Variants in SORCS2 observed in about 807,000 individuals in gnomAD.
The protein encoded by SORCS2 is sortilin related VPS10 domain containing receptor 2.
In SORCS2, 100 loss-of-function variants were observed where a neutral mutation model predicts 141.6. The ratio of observed to expected loss-of-function variants is 0.71; its 90% confidence interval spans 0.60 to 0.83. The LOEUF (loss-of-function observed/expected upper bound fraction) is 0.83. SORCS2 is among the 40% of genes least tolerant of loss of function. The pLI is 0.00. For synonymous variants in SORCS2, 789 were observed against 676.9 expected (o/e 1.17, Z -2.57); for missense variants, 1,646 against 1,560.2 (o/e 1.05, Z -0.93).
At position 7,727,002 on chromosome 4, in the gene SORCS2, C is replaced by T. The variant is rs143163100; in HGVS notation, c.2869+99C>T. On this transcript the variant is annotated intron_variant, in intron 21 of 26. Coordinates refer to ENST00000507866, the MANE Select transcript of SORCS2 (RefSeq NM_020777.3). ...TCGCGTAAGCCATGGATGTCCTGGT[C>T]ACCCTGAGTGGCCCTGGGGTGGGGA... 5.7e-4 allele frequency: 805 copies of T among 1,405,656 alleles called. 9 individuals carry two copies. In the East Asian group the frequency reaches 0.02, roughly 34 times the overall value. 87.1% of individuals were successfully genotyped at this position (1,405,656 alleles called of 1,614,324 possible).
chr4:7,315,591 C>T (rs911665888), intron 1 of SORCS2, among the ~76,000 whole-genome samples: 1 of 152,220 alleles, frequency 6.6e-6, no homozygotes, highest in Non-Finnish European at 1.5e-5. Context: ...CCACCTCTCT[C>T]CCACCCTGTG....
intron 1 of SORCS2, among the ~76,000 whole-genome samples, chr4:7,260,651 A>C (rs1468165379): frequency 2.6e-5 from 4 of 152,208 alleles, no homozygotes. Context: ...TCTGCCTCTT[A>C]AGAGACACAC....
chr4:7,382,097 C>G, intron 1 of SORCS2: 3 of 546,522 alleles, frequency 5.5e-6, no homozygotes, highest in Non-Finnish European at 7.0e-6. Context: ...CCAGAAGGAC[C>G]TTGAAGGGTG....
intron 3 of SORCS2, among the ~76,000 whole-genome samples, chr4:7,559,109 G>A (rs1714344926): frequency 6.6e-6 from 1 of 152,164 alleles, no homozygotes; most frequent in South Asian, 2.1e-4. Flanking sequence ...TCACTTTCCC[G>A]GGGAGGGGTT....
chr4:7,722,433 C>T (rs1376371476), intron 18 of SORCS2, among the ~76,000 whole-genome samples: 1 of 152,180 alleles, frequency 6.6e-6, no homozygotes, highest in Non-Finnish European at 1.5e-5. Flanking sequence ...CTAGGGACCC[C>T]ATAACAAATT....
chr4:7,213,350 G>GA (rs1378956669), intron 1 of SORCS2, among the ~76,000 whole-genome samples: 2 of 152,254 alleles, frequency 1.3e-5, no homozygotes, highest in Non-Finnish European at 2.9e-5. Flanking sequence ...GGAGAGCTGG[G>GA]ACCTTTGTGT....
intron 1 of SORCS2, among the ~76,000 whole-genome samples, chr4:7,266,102 C>T (rs1000725624): frequency 6.6e-6 from 1 of 152,166 alleles, no homozygotes; most frequent in Non-Finnish European, 1.5e-5. Flanking sequence ...CGAGGTGTTT[C>T]TTGCCTGGGC....
At chr4:7,398,035 T>A (rs1354376998) in intron 2 of SORCS2, among the ~76,000 whole-genome samples, 1 of 152,164 alleles carries the variant, frequency 6.6e-6, no homozygotes, top group Admixed American at 6.5e-5. Flanking sequence ...CATGGCTGGA[T>A]GTGGAGGCAA....
chr4:7,508,755 A>T lies in SORCS2; in HGVS notation c.549-22775A>T, dbSNP rs191922310. Among the ~76,000 whole-genome samples the T allele has an allele frequency of 2.3e-3, 357 of 152,338 alleles. 1 individual carries two copies. Among genetic ancestry groups the T allele is most frequent in the African/African-American group, 8.1e-3 (337 of 41,578 alleles). On this transcript the variant is annotated intron_variant, in intron 2 of 26. Coordinates refer to ENST00000507866, the MANE Select transcript of SORCS2 (RefSeq NM_020777.3). ...ACAGATCTATTTTTGTTGCATTTTT[A>T]AAAATGGCTGTAGCACGCATCAGTG...
chr4:7,679,182 A>C (rs988195150), intron 9 of SORCS2, among the ~76,000 whole-genome samples: 1 of 152,170 alleles, frequency 6.6e-6, no homozygotes, highest in Non-Finnish European at 1.5e-5. Flanking sequence ...GGAAGGCTGC[A>C]GGGGTCTCTC....
At chr4:7,288,664 C>T (rs1357015289) in intron 1 of SORCS2, among the ~76,000 whole-genome samples, 3 of 151,942 alleles carry the variant, frequency 2.0e-5, no homozygotes, top group Admixed American at 6.5e-5. Flanking sequence ...TCTTCCAAGG[C>T]CACAGTCCTA....
intron 1 of SORCS2, among the ~76,000 whole-genome samples, chr4:7,196,746 A>G (rs1018851326): frequency 2.6e-5 from 4 of 151,822 alleles, no homozygotes; most frequent in African/African-American, 9.7e-5. Context: ...TGAGCAGACT[A>G]CCCACACTCT....
chr4:7,568,632 G>A (rs546783869), intron 3 of SORCS2, among the ~76,000 whole-genome samples: 57 of 152,264 alleles, frequency 3.7e-4, no homozygotes, highest in African/African-American at 8.9e-4. Context: ...TGGAAACCGT[G>A]AACAACCTGA....
intron 1 of SORCS2, among the ~76,000 whole-genome samples, chr4:7,299,894 G>A (rs1286054173): frequency 2.0e-5 from 3 of 152,214 alleles, no homozygotes; most frequent in Non-Finnish European, 4.4e-5. Flanking sequence ...CCTTCTCCCA[G>A]AGCCCGCTGG....
intron 3 of SORCS2, among the ~76,000 whole-genome samples, chr4:7,565,397 A>G (rs1714897787): frequency 6.6e-6 from 1 of 152,186 alleles, no homozygotes; most frequent in South Asian, 2.1e-4. Context: ...GATTAGAATT[A>G]TGAAGATGAA....
intron 1 of SORCS2, among the ~76,000 whole-genome samples, chr4:7,315,547 C>A (rs555763853): frequency 3.3e-5 from 5 of 152,202 alleles, no homozygotes; most frequent in Non-Finnish European, 5.9e-5. Flanking sequence ...TGGGGAGACA[C>A]AGACCAGGAA....
At chr4:7,388,294 C>T (rs1250846724) in intron 1 of SORCS2, among the ~76,000 whole-genome samples, 4 of 152,174 alleles carry the variant, frequency 2.6e-5, no homozygotes, top group African/African-American at 7.2e-5. Context: ...AGCCTGAATC[C>T]CCTCTGGCTG....
At chr4:7,659,878 C>T (rs914265211) in intron 5 of SORCS2, among the ~76,000 whole-genome samples, 2 of 152,182 alleles carry the variant, frequency 1.3e-5, no homozygotes, top group African/African-American at 4.8e-5. Context: ...CTGTGCATAG[C>T]TAGGAAACAA....
At chr4:7,737,031 C>T in intron 25 of SORCS2, 38 bp from the exon 26 acceptor site, 1 of 1,548,364 alleles carries the variant, frequency 6.5e-7, no homozygotes. Context: ...GCCTGGGAAG[C>T]CCCTCCAAGC....
Sources: gnomAD v4.1 joint callset for allele counts (sites outside exome capture counted in the v4.1 genomes callset) on GRCh38, gnomAD v4.1.1 for gene constraint, MANE v1.5 for transcripts, NCBI Gene and HGNC (gene_info 2026-07-23, HGNC 2026-07-21) for gene names.